The following DHX37 variants were observed in gnomAD, a reference collection of about 807,000 sequenced individuals.
The protein encoded by DHX37 is probable ATP-dependent RNA helicase DHX37.
In DHX37, 52 loss-of-function variants were observed where a neutral mutation model predicts 134.3. The ratio of observed to expected loss-of-function variants is 0.39; its 90% CI spans 0.31 to 0.49. The LOEUF (loss-of-function observed/expected upper bound fraction) is 0.49. Among genes scored for constraint, DHX37 ranks in the 20% least tolerant of loss-of-function variants. DHX37 has a pLI of 0.93. For synonymous variants in DHX37, 634 were observed against 670.7 expected, an observed-to-expected ratio of 0.95 and a Z score of 0.85; for missense variants, 1,344 against 1,580.8, an observed-to-expected ratio of 0.85 and a Z score of 2.54.
chr12:124,975,812 C>T (rs1158254897), intron 5 of DHX37, among the ~76,000 whole-genome samples: 2 of 152,194 alleles, frequency 1.3e-5, no homozygotes, highest in East Asian at 3.9e-4. Context: ...CCTCCAGACA[C>T]AGGAACCCGC....
intron 18 of DHX37, 121 bp from the exon 19 acceptor site, chr12:124,954,332 T>C (rs1954044597): frequency 1.4e-6 from 2 of 1,405,314 alleles, no homozygotes; most frequent in African/African-American, 1.4e-5. Context: ...CTGATGAATG[T>C]AATTAAGGTA....
intron 15 of DHX37, among the ~76,000 whole-genome samples, chr12:124,961,830 A>C (rs990856601): frequency 2.0e-5 from 3 of 152,222 alleles, no homozygotes; most frequent in African/African-American, 4.8e-5. Flanking sequence ...TAAAGGGCCA[A>C]TAAGTACATG....
At chr12:124,979,556 A>C (rs1275129288) in intron 4 of DHX37, among the ~76,000 whole-genome samples, 1 of 152,250 alleles carries the variant, frequency 6.6e-6, no homozygotes, top group Admixed American at 6.5e-5. Flanking sequence ...AATGCTGAGT[A>C]ACAAAAAAGC....
In DHX37 at chr12:124,960,379, G is replaced by A. The variant is rs747150804; in HGVS notation, c.2090C>T (p.Pro697Leu). ...AVFGDFEQFP[P>L]PEITRRPVED... ...AACAGGCCTCCGGGTGATTTCTGGA[G>A]GAGGAAACTGCTCGAAGTCACCAAA... The change falls in exon 16 of 27, where the codon CCT (proline) becomes CTT (leucine). Residue 697 changes from proline (P) to leucine (L), a missense_variant. Physicochemically the swap from Pro to Leu is moderately conservative, Grantham distance 98. Around this residue, in one of 7 missense-constraint regions of DHX37, gnomAD observed 558 missense variants for 650.0 expected, o/e 0.86. Coordinates refer to ENST00000308736, the MANE Select transcript of DHX37 (RefSeq NM_032656.4). 2 of 1,614,168 alleles carry A rather than the reference G, an allele frequency of 1.2e-6. No homozygotes were observed. Among genetic ancestry groups the A allele is most frequent in the South Asian group, 1.1e-5 (1 of 91,086 alleles).
intron 15 of DHX37, among the ~76,000 whole-genome samples, chr12:124,961,327 C>T (rs1432837058): frequency 7.0e-6 from 1 of 143,570 alleles, no homozygotes; most frequent in African/African-American, 2.9e-5. Context: ...TACATACACA[C>T]GTGCACGCAC....
chr12:124,980,239 A>C lies in DHX37; in HGVS notation c.738+251T>G, dbSNP rs1354153624. Among the ~76,000 whole-genome samples, 1 of 152,212 alleles carries C rather than the reference A, an allele frequency of 6.6e-6. No homozygotes were observed. Among genetic ancestry groups the C allele is most frequent in the Non-Finnish European group, 1.5e-5 (1 of 68,034 alleles). ...GCTGGTCAGAGGGCAGTGGCGATGA[A>C]GCTACTGCCGCCGACCTCCAGGGCC... On this transcript the variant is annotated intron_variant, in intron 4 of 26. Transcript: ENST00000308736. The surrounding 1 kb of genome is among the most constrained non-coding windows in gnomAD (Gnocchi z 5.3).
At chr12:124,966,347 C>T (rs1312462222) in intron 12 of DHX37, among the ~76,000 whole-genome samples, 2 of 152,128 alleles carry the variant, frequency 1.3e-5, no homozygotes, top group Non-Finnish European at 2.9e-5. Flanking sequence ...GGATTACAGG[C>T]GTAGCCACCA....
At chr12:124,986,921 A>G (rs977456512) in intron 1 of DHX37, among the ~76,000 whole-genome samples, 12 of 151,540 alleles carry the variant, frequency 7.9e-5, no homozygotes, top group African/African-American at 2.9e-4. Flanking sequence ...TAATTTTTGT[A>G]TTTTTAGTAG....
chr12:124,959,188 C>T (rs11838278), intron 16 of DHX37, among the ~76,000 whole-genome samples: 13,586 of 151,782 alleles, frequency 0.09, 1,263 homozygotes, highest in African/African-American at 0.24. Context: ...ATTATCCTGC[C>T]TCAGCCTCCT....
intron 8 of DHX37, among the ~76,000 whole-genome samples, chr12:124,970,198 T>C (rs1954485902): frequency 6.6e-6 from 1 of 152,108 alleles, no homozygotes; most frequent in Non-Finnish European, 1.5e-5. Context: ...GGTCTTGAAC[T>C]CCTGACCTCA....
Position 124,954,154 on chromosome 12 carries a change from G to C in DHX37, c.2511C>G (p.Ala837=), listed in dbSNP as rs759206908. 4.3e-6 allele frequency: 7 copies of C among 1,612,032 alleles called. No individual in the cohort carries two copies. In the Admixed American group the frequency reaches 1.0e-4, roughly 23 times the overall value. The change falls in exon 19 of 27, where the codon GCC becomes GCG. Residue 837 remains alanine, a synonymous_variant. Transcript: ENST00000308736. ...GCCCTGCCCAGGTCCTCTTCATCTGGGCCACCCGGGCCCGCTTGCTCTTCA... is the reference window on the plus strand; with the variant it reads ...GCCCTGCCCAGGTCCTCTTCATCTGCGCCACCCGGGCCCGCTTGCTCTTCA... ...TRLKSKRARV[A]QMKRTWAGQG...
chr12:124,980,444 T>A lies in DHX37; in HGVS notation c.738+46A>T. On this transcript the variant is annotated intron_variant, in intron 4 of 26. Transcript: ENST00000308736. This position sits in a 1 kb window ranked among gnomAD's most constrained non-coding sequence, Gnocchi z 5.3. ...CACCAGGACGCCCTCTGTGCGCCCC[T>A]TGCCCGCTAACCTAGATTCTTAATC... 1 of 1,591,082 alleles carries A rather than the reference T, an allele frequency of 6.3e-7. No individual in the cohort carries two copies. Among genetic ancestry groups the A allele is most frequent in the Non-Finnish European group, 8.5e-7 (1 of 1,172,038 alleles).
At chr12:124,988,468 C>T (rs1469821968) in intron 1 of DHX37, among the ~76,000 whole-genome samples, 1 of 152,128 alleles carries the variant, frequency 6.6e-6, no homozygotes, top group Non-Finnish European at 1.5e-5. Flanking sequence ...TTCTAAAAAT[C>T]TCCCTTTCTG....
Position 124,966,859 on chromosome 12 carries a change from T to G in DHX37, c.1524A>C (p.Lys508Asn), listed in dbSNP as rs35165507. ...ARPQEKDDDQ[K>N]DSVEEMRKFK... ...ACTTCCGCATTTCCTCCACCGAGTC[T>G]TTCTGATCGTCGTCCTTTTCTGGGA... The change falls in exon 12 of 27, where the codon AAA (lysine) becomes AAC (asparagine). Residue 508 changes from lysine to asparagine, a missense_variant. Physicochemically the swap from Lys to Asn is moderately conservative, Grantham distance 94. Transcript: ENST00000308736. 2.1e-3 allele frequency: 3,451 copies of G among 1,614,258 alleles called. 67 individuals carry two copies. The African/African-American group carries it at 0.041, about 19-fold the overall frequency.
At chr12:124,960,719 T>TG (rs1566331363) in intron 15 of DHX37, among the ~76,000 whole-genome samples, 1 of 152,152 alleles carries the variant, frequency 6.6e-6, no homozygotes, top group African/African-American at 2.4e-5. Context: ...TTTGGAAGGC[T>TG]GGGGTGGGTG....
Position 124,972,037 on chromosome 12 carries a change from A to T in DHX37, c.1077+466T>A, listed in dbSNP as rs549741571. Among the ~76,000 whole-genome samples the T allele has an allele frequency of 6.6e-5, 10 of 152,296 alleles. No homozygotes were observed. The South Asian group carries it at 1.9e-3, about 28-fold the overall frequency. ...CCCAGCGGCCCCTCCCCTTTCCCTC[A>T]GCCTGAGGCTGGTACCCCACTCCGA... On this transcript the variant is annotated intron_variant, in intron 7 of 26. Transcript: ENST00000308736.
intron 4 of DHX37, among the ~76,000 whole-genome samples, chr12:124,978,924 A>C: frequency 6.8e-6 from 1 of 146,876 alleles, no homozygotes; most frequent in Admixed American, 6.8e-5. Flanking sequence ...AGAACAAGAC[A>C]CTGTCTCAAA....
At position 124,953,983 on chromosome 12, in the gene DHX37, G is replaced by A. The variant is rs1354535052; in HGVS notation, c.2592C>T (p.Ala864=). The A allele has an allele frequency of 1.2e-6, 2 of 1,613,490 alleles. No individual in the cohort carries two copies. The highest frequency in any genetic ancestry group is 1.7e-6 in the Non-Finnish European group (2 of 1,179,980). Residue 864 remains alanine (A), a synonymous_variant, in exon 20 of 27, where the codon GCC becomes GCT. Coordinates refer to ENST00000308736, the MANE Select transcript of DHX37 (RefSeq NM_032656.4). Reference sequence around the variant, plus strand: ...GGGGTGTGCAGCTGGCATACTCACAGGCTCCCACGGCGCCTGGGGAACGAA... The same window carrying A: ...GGGGTGTGCAGCTGGCATACTCACAAGCTCCCACGGCGCCTGGGGAACGAA... ...DLMVLLGAVG[A]CEYASCTPQF...
intron 11 of DHX37, 100 bp from the exon 12 acceptor site, chr12:124,966,978 AT>A: frequency 6.4e-7 from 1 of 1,559,130 alleles, no homozygotes. Context: ...AGTGGTGGCC[AT>A]TTATTCGGGG....
Sources: gnomAD v4.1 joint callset for allele counts (sites outside exome capture counted in the v4.1 genomes callset) on GRCh38, gnomAD v4.1.1 for gene constraint, gnomAD v4.1.1 regional missense constraint, Gnocchi (gnomAD v3.1) non-coding constraint, MANE v1.5 for transcripts, NCBI Gene and HGNC (gene_info 2026-07-23, HGNC 2026-07-21) for gene names.